The following INSL6 variants were observed in gnomAD, a reference collection of about 807,000 sequenced individuals.
INSL6 encodes insulin like 6.
Under a neutral mutation model 9.4 loss-of-function variants are expected in INSL6, and 16 were observed. That is an observed-to-expected ratio of 1.70 (90% CI 1.15 to 2.59). INSL6 has a LOEUF of 2.59. Ranked by LOEUF, INSL6 falls within the 30% of genes most tolerant of loss-of-function variation. INSL6 has a pLI of 0.00. For missense variants in INSL6, 391 were observed against 257.3 expected, an observed-to-expected ratio of 1.52 and a Z score of -3.56; for synonymous variants, 154 against 96.9, an observed-to-expected ratio of 1.59 and a Z score of -3.46.
chr9:5,119,903 G>A (rs542425489), downstream of INSL6, among the ~76,000 whole-genome samples: 15 of 152,134 alleles, frequency 9.9e-5, no homozygotes, highest in African/African-American at 3.6e-4. Flanking sequence ...ATGAAATGAA[G>A]TTCATTAAAT....
At chr9:5,003,645 T>C in the INSL6 span, among the ~76,000 whole-genome samples, 1 of 152,084 alleles carries the variant, frequency 6.6e-6, no homozygotes. Flanking sequence ...ACATGTCCTC[T>C]ATGAATACTG....
chr9:5,076,789 C>T, the INSL6 span, among the ~76,000 whole-genome samples: 1 of 152,088 alleles, frequency 6.6e-6, no homozygotes, highest in Non-Finnish European at 1.5e-5. Flanking sequence ...GACATTTTTT[C>T]ATATCTTTGA....
chr9:5,128,028 T>C, intron 3 of INSL6: 1 of 232,342 alleles, frequency 4.3e-6, no homozygotes, highest in Non-Finnish European at 8.5e-6. Flanking sequence ...TGTCATTTGT[T>C]ATAGTGCTAC....
At chr9:5,178,067 G>A (rs972395849) in intron 1 of INSL6, among the ~76,000 whole-genome samples, 1 of 152,144 alleles carries the variant, frequency 6.6e-6, no homozygotes, top group Non-Finnish European at 1.5e-5. Flanking sequence ...GTAGAGACAG[G>A]GTTTGCCATG....
intron 1 of INSL6, among the ~76,000 whole-genome samples, chr9:5,177,810 G>A (rs1433101284): frequency 6.6e-6 from 1 of 152,124 alleles, no homozygotes; most frequent in Admixed American, 6.5e-5. Flanking sequence ...CAGTCCAGAG[G>A]AGGAAGGTAC....
intron 3 of INSL6, among the ~76,000 whole-genome samples, chr9:5,130,841 G>A (rs945745647): frequency 1.3e-5 from 2 of 150,484 alleles, no homozygotes; most frequent in Non-Finnish European, 3.0e-5. Context: ...CCATTCTCCT[G>A]CCTCAGCCTC....
chr9:5,173,372 A>G (rs1236900486), intron 1 of INSL6, among the ~76,000 whole-genome samples: 1 of 152,222 alleles, frequency 6.6e-6, no homozygotes, highest in Non-Finnish European at 1.5e-5. Context: ...ATGCCCATCA[A>G]TAAGAGACTG....
the INSL6 span, chr9:5,080,242 A>T: frequency 6.2e-7 from 1 of 1,611,976 alleles, no homozygotes; most frequent in Non-Finnish European, 8.5e-7. Context: ...TTCAGGAGAG[A>T]ATACCATGGG....
At chr9:5,164,866 T>G (rs1244974344) in intron 1 of INSL6, among the ~76,000 whole-genome samples, 1 of 152,234 alleles carries the variant, frequency 6.6e-6, no homozygotes, top group Admixed American at 6.5e-5. Context: ...GTTTATCCAT[T>G]TATCAATTGA....
chr9:5,126,988 A>T, intron 3 of INSL6: 1 of 332,112 alleles, frequency 3.0e-6, no homozygotes. Context: ...AAAGACATTA[A>T]TGAGAATTCC....
At chr9:5,183,075 G>A (rs1292372650) in intron 1 of INSL6, among the ~76,000 whole-genome samples, 1 of 152,098 alleles carries the variant, frequency 6.6e-6, no homozygotes, top group East Asian at 1.9e-4. Context: ...GAAATAAAAA[G>A]TAATCAACTT....
chr9:5,070,843 T>G, the INSL6 span, among the ~76,000 whole-genome samples: 1 of 152,088 alleles, frequency 6.6e-6, no homozygotes, highest in Non-Finnish European at 1.5e-5. Flanking sequence ...GCCACATTTA[T>G]CAAGGGGGTT....
At chr9:5,033,807 C>A in the INSL6 span, among the ~76,000 whole-genome samples, 3 of 152,006 alleles carry the variant, frequency 2.0e-5, no homozygotes, top group Non-Finnish European at 4.4e-5. Context: ...TAAAGACCAT[C>A]GAGGCTAGGA....
At chr9:5,005,520 G>T in the INSL6 span, among the ~76,000 whole-genome samples, 3 of 152,116 alleles carry the variant, frequency 2.0e-5, no homozygotes, top group South Asian at 6.2e-4. Flanking sequence ...AATTCATTTG[G>T]TCAAGATGTA....
the INSL6 span, among the ~76,000 whole-genome samples, chr9:5,005,776 A>C: frequency 2.0e-5 from 3 of 152,322 alleles, no homozygotes; most frequent in South Asian, 6.2e-4. Flanking sequence ...CAGCAAAGTC[A>C]CTGGGCATTA....
the INSL6 span, among the ~76,000 whole-genome samples, chr9:5,057,548 C>A: frequency 6.6e-6 from 1 of 150,716 alleles, no homozygotes; most frequent in African/African-American, 2.4e-5. Flanking sequence ...ATTTCCCCCT[C>A]TTCCCAATCC....
chr9:5,063,375 C>A, the INSL6 span, among the ~76,000 whole-genome samples: 3 of 152,266 alleles, frequency 2.0e-5, no homozygotes, highest in African/African-American at 7.2e-5. Context: ...TGGAGAAGTA[C>A]CTCTTCGATC....
At chr9:5,082,924 T>C in the INSL6 span, among the ~76,000 whole-genome samples, 1 of 152,230 alleles carries the variant, frequency 6.6e-6, no homozygotes, top group East Asian at 1.9e-4. Context: ...AGGGTACAGA[T>C]CAAAATGGAA....
Position 5,179,935 on chromosome 9 carries a change from C to T in INSL6, c.289+5379G>A, listed in dbSNP as rs150080937. On this transcript the variant is annotated intron_variant, in intron 1 of 1. Coordinates refer to ENST00000381641, the MANE Select transcript of INSL6 (RefSeq NM_007179.3). The stretch of plus-strand genomic sequence containing the variant: ...GTGATAGGATGATCTGTGCAGCAAA[C>T]CACCATGACACACATTTATCTATGT... Among the ~76,000 whole-genome samples the T allele has an allele frequency of 1.3e-3, 193 of 152,276 alleles. 1 individual carries two copies. The highest frequency in any genetic ancestry group is 3.4e-3 in the Middle Eastern group (1 of 294).
Sources: allele counts gnomAD v4.1 joint callset (sites outside exome capture counted in the v4.1 genomes callset), GRCh38; gene constraint gnomAD v4.1.1; transcripts MANE v1.5; gene names NCBI Gene and HGNC (gene_info 2026-07-23, HGNC 2026-07-21).